The following CEP112 variants were observed in gnomAD, a reference collection of about 807,000 sequenced individuals.
CEP112 encodes the protein centrosomal protein of 112 kDa.
A neutral mutation model predicts 153.0 loss-of-function variants in CEP112; 127 were observed. The observed-to-expected ratio is 0.83, with a 90% CI of 0.72 to 0.96. The LOEUF (loss-of-function observed/expected upper bound fraction) is 0.96. CEP112 is among the 40% of genes least tolerant of loss of function. The pLI is 0.00. For missense variants in CEP112, 1,089 were observed against 1,101.2 expected, an observed-to-expected ratio of 0.99 and a Z score of 0.16; for synonymous variants, 358 against 374.4, an observed-to-expected ratio of 0.96 and a Z score of 0.51.
intron 19 of CEP112, among the ~76,000 whole-genome samples, chr17:65,907,220 T>C (rs1203446546): frequency 6.6e-6 from 1 of 152,204 alleles, no homozygotes; most frequent in Non-Finnish European, 1.5e-5. Flanking sequence ...ACTTTCACAG[T>C]AACTTTCTAA....
chr17:65,969,347 T>C (rs1160548345), intron 17 of CEP112, among the ~76,000 whole-genome samples: 1 of 152,176 alleles, frequency 6.6e-6, no homozygotes, highest in Non-Finnish European at 1.5e-5. Flanking sequence ...AAGATCATTA[T>C]GAAAAATATT....
At chr17:66,140,049 T>C (rs2070620264) in intron 4 of CEP112, among the ~76,000 whole-genome samples, 1 of 152,154 alleles carries the variant, frequency 6.6e-6, no homozygotes, top group Non-Finnish European at 1.5e-5. Flanking sequence ...GCAAACTGAA[T>C]TCCATGGCAC....
intron 6 of CEP112, among the ~76,000 whole-genome samples, chr17:66,103,192 T>C (rs1229848230): frequency 6.6e-6 from 1 of 151,338 alleles, no homozygotes; most frequent in Non-Finnish European, 1.5e-5. Flanking sequence ...GCCATTGCAC[T>C]GAGTGAATAA....
chr17:66,018,301 A>C (rs2064856038), intron 16 of CEP112, among the ~76,000 whole-genome samples: 1 of 152,206 alleles, frequency 6.6e-6, no homozygotes, highest in African/African-American at 2.4e-5. Flanking sequence ...ATATTCACTG[A>C]ATATATTTTT....
intron 12 of CEP112, among the ~76,000 whole-genome samples, chr17:66,042,077 G>A (rs12601488): frequency 0.41 from 62,529 of 152,044 alleles, 14,326 homozygotes; most frequent in East Asian, 0.87. Context: ...GGCTGGGCAC[G>A]GTGATTCATG....
At chr17:66,146,011 T>C (rs1051159668) in intron 4 of CEP112, among the ~76,000 whole-genome samples, 1 of 152,072 alleles carries the variant, frequency 6.6e-6, no homozygotes, top group Non-Finnish European at 1.5e-5. Context: ...TATTAATAGA[T>C]CTGATTTGAT....
chr17:66,132,386 A>C (rs1256165130), intron 5 of CEP112, among the ~76,000 whole-genome samples: 2 of 152,024 alleles, frequency 1.3e-5, no homozygotes, highest in Non-Finnish European at 2.9e-5. Flanking sequence ...GTATATAATC[A>C]TTTCCACATA....
intron 23 of CEP112, among the ~76,000 whole-genome samples, chr17:65,737,499 C>T (rs1170976627): frequency 6.6e-6 from 1 of 152,146 alleles, no homozygotes; most frequent in Non-Finnish European, 1.5e-5. Flanking sequence ...GGGCTGGCTA[C>T]CTCTGAGGAA....
At chr17:65,680,472 A>G (rs2047463258) in intron 24 of CEP112, among the ~76,000 whole-genome samples, 1 of 151,832 alleles carries the variant, frequency 6.6e-6, no homozygotes, top group Non-Finnish European at 1.5e-5. Flanking sequence ...CCTTCTCTCC[A>G]TCTGTCACCC....
chr17:66,025,949 ATATATAGATATATATAGAC>A (rs1237770033), intron 16 of CEP112, among the ~76,000 whole-genome samples: 9 of 116,454 alleles, frequency 7.7e-5, no homozygotes, highest in East Asian at 2.0e-4. Flanking sequence ...ACACACACAC[ATATATAGATATATATAGAC>A]CACACACACA....
rs143786391 is a variant in CEP112 at position 65,738,310 on chromosome 17, G to A, written c.2607+4758C>T. Among the ~76,000 whole-genome samples, 116 of 152,266 alleles carry A rather than the reference G, an allele frequency of 7.6e-4. 1 individual carries two copies. In the Middle Eastern group the frequency reaches 0.024, roughly 31 times the overall value. ...AAAATACTACTACTATCCAAGGTAG[G>A]AGGTGGCAGGGAAGGGTTACGGCAG... On this transcript the variant is annotated intron_variant, in intron 23 of 26. Coordinates refer to ENST00000535342, the MANE Select transcript of CEP112 (RefSeq NM_001199165.4).
intron 6 of CEP112, among the ~76,000 whole-genome samples, chr17:66,121,551 T>A (rs2069592050): frequency 6.6e-6 from 1 of 152,240 alleles, no homozygotes; most frequent in African/African-American, 2.4e-5. Flanking sequence ...CATTCTTTTT[T>A]CACTCTCTTC....
intron 24 of CEP112, among the ~76,000 whole-genome samples, chr17:65,660,017 G>A (rs1485642572): frequency 6.6e-6 from 1 of 152,172 alleles, no homozygotes; most frequent in African/African-American, 2.4e-5. Context: ...ACAGGGTAGA[G>A]TATGGGTGGA....
chr17:65,994,610 T>G (rs557077612), intron 17 of CEP112, among the ~76,000 whole-genome samples: 1 of 152,278 alleles, frequency 6.6e-6, no homozygotes, highest in East Asian at 1.9e-4. Flanking sequence ...ATTTCAGACA[T>G]GAGCCATTGC....
chr17:65,994,687 A>G (rs567754149), intron 17 of CEP112, among the ~76,000 whole-genome samples: 1 of 152,294 alleles, frequency 6.6e-6, no homozygotes, highest in South Asian at 2.1e-4. Context: ...GTTCTAGGAG[A>G]ATAGGATGTG....
intron 12 of CEP112, among the ~76,000 whole-genome samples, chr17:66,031,117 T>G (rs185045458): frequency 4.6e-5 from 7 of 152,334 alleles, no homozygotes; most frequent in African/African-American, 1.4e-4. Flanking sequence ...TGATTTCTTC[T>G]TCCTGCATCT....
chr17:66,011,903 C>T (rs1258901576), intron 16 of CEP112, among the ~76,000 whole-genome samples: 1 of 152,066 alleles, frequency 6.6e-6, no homozygotes, highest in Non-Finnish European at 1.5e-5. Context: ...CTGGGTGCTC[C>T]TGTATTGGGT....
At chr17:65,820,756 C>T (rs1175750801) in intron 21 of CEP112, among the ~76,000 whole-genome samples, 1 of 151,930 alleles carries the variant, frequency 6.6e-6, no homozygotes, top group Non-Finnish European at 1.5e-5. Flanking sequence ...AATAACAGGC[C>T]TAAATTTATA....
At chr17:65,640,894 G>T (rs2045096419) in intron 25 of CEP112, 70 bp downstream of exon 25, 4 of 852,422 alleles carry the variant, frequency 4.7e-6, no homozygotes, top group African/African-American at 1.7e-5. Context: ...TTTGGAATCA[G>T]ATTTATTTGC....
Sources: allele counts gnomAD v4.1 joint callset (sites outside exome capture counted in the v4.1 genomes callset), GRCh38; gene constraint gnomAD v4.1.1; transcripts MANE v1.5; gene names NCBI Gene and HGNC (gene_info 2026-07-23, HGNC 2026-07-21).